KRT8: variants seen among roughly 807,000 people sequenced by gnomAD.
KRT8 encodes keratin, type II cytoskeletal 8.
Under a neutral mutation model 43.0 loss-of-function variants are expected in KRT8, and 24 were observed. The observed-to-expected ratio is 0.56, with a 90% CI of 0.40 to 0.78. KRT8 has a LOEUF of 0.78. Among genes scored for constraint, KRT8 ranks in the 30% least tolerant of loss-of-function variants. KRT8 has a pLI of 0.00. For synonymous variants in KRT8, 214 were observed against 261.2 expected (o/e 0.82, Z 1.74); for missense variants, 492 against 638.4 (o/e 0.77, Z 2.47).
chr12:52,910,185 C>T (rs966142552), upstream of KRT8, among the ~76,000 whole-genome samples: 3 of 152,174 alleles, frequency 2.0e-5, no homozygotes, highest in Non-Finnish European at 4.4e-5. Flanking sequence ...TGGCTCAGTC[C>T]ACAGAGTCCT....
chr12:52,909,352 G>C (rs967518651), upstream of KRT8, among the ~76,000 whole-genome samples: 1 of 152,172 alleles, frequency 6.6e-6, no homozygotes, highest in African/African-American at 2.4e-5. Context: ...TGTTATTATT[G>C]GTATAGAAAT....
At chr12:52,904,196 G>A (rs1304627767) in intron 1 of KRT8, among the ~76,000 whole-genome samples, 6 of 152,250 alleles carry the variant, frequency 3.9e-5, no homozygotes, top group South Asian at 2.1e-4. Flanking sequence ...TAGTGCTGGC[G>A]AAGAGGCGAA....
chr12:52,901,977 G>A (rs760415405), exon 2 of KRT8: 23 of 1,605,488 alleles, frequency 1.4e-5, no homozygotes, highest in East Asian at 2.2e-5. Flanking sequence ...TGTAGCTCTC[G>A]AACATGTTGT....
At chr12:52,937,380 AAAAAAAG>A (rs1423039299) in intron 2 of KRT8, among the ~76,000 whole-genome samples, 1 of 151,282 alleles carries the variant, frequency 6.6e-6, no homozygotes, top group East Asian at 1.9e-4. Context: ...CTCTAAAAAA[AAAAAAAG>A]AGAGAGAGAT....
At chr12:52,909,040 T>C (rs1941579600), upstream of KRT8, among the ~76,000 whole-genome samples, 1 of 151,926 alleles carries the variant, frequency 6.6e-6, no homozygotes, top group Non-Finnish European at 1.5e-5. Flanking sequence ...ATAAACAAAT[T>C]TGATGATGGT....
At chr12:52,929,576 T>G (rs145083345) in intron 2 of KRT8, among the ~76,000 whole-genome samples, 1 of 152,270 alleles carries the variant, frequency 6.6e-6, no homozygotes, top group Non-Finnish European at 1.5e-5. Flanking sequence ...TCCTTTCCAG[T>G]CTTCTTCCTT....
chr12:52,922,221 A>T (rs12823995), intron 2 of KRT8, among the ~76,000 whole-genome samples: 10 of 137,280 alleles, frequency 7.3e-5, no homozygotes, highest in Non-Finnish European at 1.4e-4. Context: ...AAAAAAAAAA[A>T]TGTAGCAAAT....
At chr12:52,918,049 AGAG>A (rs1186306404) in intron 2 of KRT8, among the ~76,000 whole-genome samples, 11 of 141,992 alleles carry the variant, frequency 7.7e-5, no homozygotes, top group East Asian at 6.3e-4. Context: ...AAGAAGAAGA[AGAG>A]GAAGAAGAAG....
At chr12:52,907,358 G>A (rs1422840634), upstream of KRT8, among the ~76,000 whole-genome samples, 1 of 152,188 alleles carries the variant, frequency 6.6e-6, no homozygotes, top group Admixed American at 6.5e-5. Context: ...GGGCTGGTCA[G>A]ACGGGTATGG....
intron 2 of KRT8, among the ~76,000 whole-genome samples, chr12:52,918,202 G>C (rs866266416): frequency 5.7e-4 from 67 of 118,384 alleles, no homozygotes; most frequent in Non-Finnish European, 9.9e-4. Context: ...AGAAGAAGAA[G>C]AACAAGAAGA....
At chr12:52,923,441 A>C (rs1941926459) in intron 2 of KRT8, among the ~76,000 whole-genome samples, 1 of 152,074 alleles carries the variant, frequency 6.6e-6, no homozygotes, top group Non-Finnish European at 1.5e-5. Flanking sequence ...TGTTTTTGAG[A>C]TGGAGTCTCG....
chr12:52,915,698 G>C (rs1941724872), intron 2 of KRT8, among the ~76,000 whole-genome samples: 1 of 151,902 alleles, frequency 6.6e-6, no homozygotes, highest in Admixed American at 6.6e-5. Flanking sequence ...CTGGGTAACA[G>C]AGCAAGACTC....
intron 2 of KRT8, chr12:52,926,523 G>A (rs564385799): frequency 1.3e-4 from 188 of 1,445,516 alleles, no homozygotes; most frequent in Admixed American, 4.9e-4. Flanking sequence ...CACCTCTGCC[G>A]GAAGTGGCCA....
exon 2 of KRT8, chr12:52,901,971 G>A: frequency 2.5e-6 from 4 of 1,606,784 alleles, no homozygotes; most frequent in Non-Finnish European, 2.5e-6. Flanking sequence ...TGTTGATGTA[G>A]CTCTCGAACA....
upstream of KRT8, among the ~76,000 whole-genome samples, chr12:52,910,931 A>G (rs1036405876): frequency 2.0e-5 from 3 of 152,126 alleles, no homozygotes; most frequent in Admixed American, 6.6e-5. Flanking sequence ...TCATTTATCC[A>G]CATATTTGCT....
At chr12:52,944,373 G>A (rs371411842) in intron 2 of KRT8, among the ~76,000 whole-genome samples, 4 of 152,282 alleles carry the variant, frequency 2.6e-5, no homozygotes, top group South Asian at 4.1e-4. Flanking sequence ...TGGGATTACA[G>A]GCATGAGCCA....
chr12:52,926,395 A>G, intron 2 of KRT8: 1 of 1,339,848 alleles, frequency 7.5e-7, no homozygotes, highest in Non-Finnish European at 9.7e-7. Flanking sequence ...TGTCACCTGC[A>G]CCTGTTGAAA....
intron 2 of KRT8, among the ~76,000 whole-genome samples, chr12:52,916,998 C>A (rs1941753682): frequency 6.6e-6 from 1 of 152,112 alleles, no homozygotes; most frequent in Non-Finnish European, 1.5e-5. Flanking sequence ...ATCGGTGTGA[C>A]CCAAGGGATA....
upstream of KRT8, among the ~76,000 whole-genome samples, chr12:52,909,777 T>G (rs1271628133): frequency 2.0e-5 from 3 of 152,208 alleles, no homozygotes; most frequent in Admixed American, 1.3e-4. Context: ...CTTTACGCAC[T>G]GAAGATGAAA....
Sources: allele counts gnomAD v4.1 joint callset (sites outside exome capture counted in the v4.1 genomes callset), GRCh38; gene constraint gnomAD v4.1.1; transcripts MANE v1.5; gene names NCBI Gene and HGNC (gene_info 2026-07-23, HGNC 2026-07-21).